The following DNAJC1 variants were observed in gnomAD, a reference collection of about 807,000 sequenced individuals.
The protein encoded by DNAJC1 is dnaJ homolog subfamily C member 1.
A neutral mutation model predicts 76.6 loss-of-function variants in DNAJC1; 58 were observed. The observed-to-expected ratio is 0.76, with a 90% confidence interval of 0.61 to 0.94. The LOEUF (loss-of-function observed/expected upper bound fraction) is 0.94, where lower values mean the gene tolerates loss of function less well. Ranked by LOEUF, DNAJC1 falls within the 40% of genes least tolerant of loss-of-function variation. DNAJC1 has a pLI of 0.00. For synonymous variants in DNAJC1, 258 were observed against 267.9 expected, an observed-to-expected ratio of 0.96 and a Z score of 0.36; for missense variants, 689 against 677.3, an observed-to-expected ratio of 1.02 and a Z score of -0.19.
At chr10:21,787,460 T>C (rs1001034308) in intron 9 of DNAJC1, among the ~76,000 whole-genome samples, 2 of 151,780 alleles carry the variant, frequency 1.3e-5, no homozygotes, top group African/African-American at 4.8e-5. Context: ...GGAGGTGATA[T>C]CAGCAAGATG....
At chr10:21,930,847 T>G (rs1437909018) in intron 1 of DNAJC1, among the ~76,000 whole-genome samples, 1 of 152,208 alleles carries the variant, frequency 6.6e-6, no homozygotes, top group African/African-American at 2.4e-5. Context: ...CAATCTCTAA[T>G]TGGGATTTTA....
intron 8 of DNAJC1, among the ~76,000 whole-genome samples, chr10:21,864,840 G>A (rs578123532): frequency 6.6e-6 from 1 of 152,064 alleles, no homozygotes; most frequent in South Asian, 2.1e-4. Flanking sequence ...AAACATACAG[G>A]AACACAGCAC....
chr10:21,877,410 C>A (rs1445373331), intron 8 of DNAJC1, among the ~76,000 whole-genome samples: 1 of 151,554 alleles, frequency 6.6e-6, no homozygotes, highest in African/African-American at 2.4e-5. Context: ...CAAAAAAAGG[C>A]CAAGCACAAT....
chr10:21,863,027 G>C (rs1212946757), intron 8 of DNAJC1, among the ~76,000 whole-genome samples: 1 of 152,050 alleles, frequency 6.6e-6, no homozygotes, highest in Non-Finnish European at 1.5e-5. Context: ...AGCTACTCAG[G>C]AGGCTGACGC....
In DNAJC1 at chr10:21,958,111, T is replaced by C. The variant is rs192340196; in HGVS notation, c.223-28970A>G. Among the ~76,000 whole-genome samples the C allele has an allele frequency of 1.1e-3, 161 of 152,264 alleles. 1 individual carries two copies. The highest frequency in any genetic ancestry group is 7.9e-3 in the Admixed American group (121 of 15,296). On this transcript the variant is annotated intron_variant, in intron 1 of 11. Coordinates refer to ENST00000376980, the MANE Select transcript of DNAJC1 (RefSeq NM_022365.4). ...ACCATTGTATTAAATATATACTATT[T>C]TAAAACAGAAACATATAAGTAGAAA...
chr10:21,967,911 G>A (rs926954542), intron 1 of DNAJC1, among the ~76,000 whole-genome samples: 3 of 152,292 alleles, frequency 2.0e-5, no homozygotes, highest in African/African-American at 4.8e-5. Context: ...CCATACCAAC[G>A]TTCAAGGAAA....
chr10:21,894,508 T>C (rs1006342210), intron 7 of DNAJC1, among the ~76,000 whole-genome samples: 34 of 152,122 alleles, frequency 2.2e-4, no homozygotes, highest in Non-Finnish European at 1.5e-5. Context: ...GAGGTGTAGA[T>C]TGCAGTGAGC....
intron 8 of DNAJC1, among the ~76,000 whole-genome samples, chr10:21,876,257 C>T (rs928224957): frequency 2.6e-5 from 4 of 151,794 alleles, no homozygotes; most frequent in Non-Finnish European, 4.4e-5. Context: ...ATCACAGGTG[C>T]GTGTCACCAG....
intron 8 of DNAJC1, among the ~76,000 whole-genome samples, chr10:21,879,741 T>C (rs1480616961): frequency 6.6e-6 from 1 of 152,262 alleles, no homozygotes; most frequent in South Asian, 2.1e-4. Context: ...AAAAATACTT[T>C]ACCGCTAAAA....
At chr10:21,833,853 A>G (rs1238169131) in intron 8 of DNAJC1, among the ~76,000 whole-genome samples, 1 of 152,228 alleles carries the variant, frequency 6.6e-6, no homozygotes, top group Non-Finnish European at 1.5e-5. Context: ...ATACTATATA[A>G]TGTAAAGCAT....
chr10:21,795,686 G>C (rs1415836206), intron 9 of DNAJC1, among the ~76,000 whole-genome samples: 9 of 152,134 alleles, frequency 5.9e-5, no homozygotes, highest in Admixed American at 5.9e-4. Context: ...CAGGTATACA[G>C]TACAATACTG....
intron 9 of DNAJC1, among the ~76,000 whole-genome samples, chr10:21,786,876 T>C (rs1834618346): frequency 6.6e-6 from 1 of 152,220 alleles, no homozygotes; most frequent in Admixed American, 6.5e-5. Context: ...GTTTGTTGTA[T>C]AGCTACTCAT....
At chr10:21,948,819 A>AC (rs1837548639) in intron 1 of DNAJC1, among the ~76,000 whole-genome samples, 1 of 152,202 alleles carries the variant, frequency 6.6e-6, no homozygotes, top group Admixed American at 6.6e-5. Flanking sequence ...GTTCAAAAAA[A>AC]GCTTGGGACA....
At chr10:21,966,884 A>G (rs1590071365) in intron 1 of DNAJC1, among the ~76,000 whole-genome samples, 1 of 150,924 alleles carries the variant, frequency 6.6e-6, no homozygotes, top group East Asian at 2.0e-4. Context: ...ACAGCATTTC[A>G]CCACGTTGCC....
chr10:21,816,204 C>A (rs902846157), intron 8 of DNAJC1, among the ~76,000 whole-genome samples: 2 of 149,146 alleles, frequency 1.3e-5, no homozygotes, highest in African/African-American at 4.9e-5. Flanking sequence ...CCTGTCTCTA[C>A]TAAAAACACA....
chr10:21,805,846 T>C (rs1298662477), intron 9 of DNAJC1, 134 bp downstream of exon 9: 16 of 1,120,840 alleles, frequency 1.4e-5, no homozygotes, highest in Non-Finnish European at 1.9e-5. Context: ...GCATTAATGG[T>C]TCACTTTCAG....
rs1004229759 is a variant in DNAJC1, at chr10:21,849,853, A to AG, written c.978+32428dup. On this transcript the variant is annotated intron_variant, in intron 8 of 11. Transcript: ENST00000376980. ...GTAATACATCACATTAATAGATAAA[A>AG]GGGAAAAAAAAACCACACATGATCA... Among the ~76,000 whole-genome samples, 182 of 152,260 alleles carry AG rather than the reference A, an allele frequency of 1.2e-3. 2 individuals carry two copies. Among genetic ancestry groups the AG allele is most frequent in the African/African-American group, 4.2e-3 (176 of 41,566 alleles).
At chr10:21,831,499 T>C (rs1835355983) in intron 8 of DNAJC1, among the ~76,000 whole-genome samples, 1 of 152,184 alleles carries the variant, frequency 6.6e-6, no homozygotes, top group African/African-American at 2.4e-5. Context: ...TTGTTCTTAA[T>C]ACTTAATCTG....
chr10:21,857,919 A>G (rs934270584), intron 8 of DNAJC1, among the ~76,000 whole-genome samples: 5 of 152,142 alleles, frequency 3.3e-5, no homozygotes, highest in Non-Finnish European at 7.3e-5. Context: ...GGGAGAAACA[A>G]CTTTGGGTAA....
Sources: allele counts gnomAD v4.1 joint callset (sites outside exome capture counted in the v4.1 genomes callset), GRCh38; gene constraint gnomAD v4.1.1; transcripts MANE v1.5; gene names NCBI Gene and HGNC (gene_info 2026-07-23, HGNC 2026-07-21).